Variants in BDKRB2 observed in about 807,000 individuals in gnomAD.
BDKRB2 encodes B2 bradykinin receptor.
A neutral mutation model predicts 4.0 loss-of-function variants in BDKRB2; 6 were observed. That is an observed-to-expected ratio of 1.49 (90% CI 0.81 to 2.93). The LOEUF (loss-of-function observed/expected upper bound fraction) is 2.93. BDKRB2 is among the 30% of genes most tolerant of loss of function. BDKRB2 has a pLI of 0.00. For synonymous variants in BDKRB2, 225 were observed against 215.3 expected (o/e 1.05, Z -0.40); for missense variants, 478 against 520.1 (o/e 0.92, Z 0.79).
At chr14:96,207,551 T>G (rs1258396822) in intron 1 of BDKRB2, among the ~76,000 whole-genome samples, 1 of 152,170 alleles carries the variant, frequency 6.6e-6, no homozygotes, top group Admixed American at 6.5e-5. Context: ...TGTGCGTTTG[T>G]GCAAACCCAC....
chr14:96,237,106 A>C lies in BDKRB2; in HGVS notation c.-2A>C. The C allele has an allele frequency of 6.2e-6, 10 of 1,613,524 alleles. No homozygotes were observed. Among genetic ancestry groups the C allele is most frequent in the Non-Finnish European group, 8.5e-6 (10 of 1,179,416 alleles). Reference sequence around the variant, plus strand: ...CTCACTCACATCCCACTCTGAGTCCAAATGTTCTCTCCCTGGAAGATATCA... The same window carrying C: ...CTCACTCACATCCCACTCTGAGTCCCAATGTTCTCTCCCTGGAAGATATCA... On this transcript the variant is annotated 5_prime_UTR_variant, in exon 2 of 3. Transcript: ENST00000554311.
At chr14:96,220,407 T>C (rs1890531151) in intron 1 of BDKRB2, among the ~76,000 whole-genome samples, 1 of 152,120 alleles carries the variant, frequency 6.6e-6, no homozygotes, top group Non-Finnish European at 1.5e-5. Flanking sequence ...CCATGACACA[T>C]AGACCCTGAA....
At chr14:96,219,426 G>C (rs572014457) in intron 1 of BDKRB2, among the ~76,000 whole-genome samples, 4 of 151,938 alleles carry the variant, frequency 2.6e-5, no homozygotes, top group Non-Finnish European at 5.9e-5. Flanking sequence ...GGTGGGGACC[G>C]GGACCTGGCA....
intron 1 of BDKRB2, among the ~76,000 whole-genome samples, chr14:96,213,746 C>T (rs1012196082): frequency 5.9e-5 from 9 of 152,122 alleles, no homozygotes; most frequent in African/African-American, 1.9e-4. Context: ...GCCTGAGCCC[C>T]AGGGCACCCT....
intron 1 of BDKRB2, among the ~76,000 whole-genome samples, chr14:96,212,301 A>G (rs181327635): frequency 6.6e-4 from 100 of 152,364 alleles, no homozygotes; most frequent in African/African-American, 2.3e-3. Context: ...ACAACTAACT[A>G]TAAGAACACT....
chr14:96,229,270 C>A (rs945103236), intron 1 of BDKRB2, among the ~76,000 whole-genome samples: 10 of 152,046 alleles, frequency 6.6e-5, no homozygotes, highest in Non-Finnish European at 4.4e-5. Flanking sequence ...CTTCTGCTTG[C>A]AGGGGGATAT....
chr14:96,231,270 GAAGGACTT>G (rs1013012647), intron 1 of BDKRB2, among the ~76,000 whole-genome samples: 8 of 152,196 alleles, frequency 5.3e-5, no homozygotes. Flanking sequence ...CCAAATGCTG[GAAGGACTT>G]ACATGTATAT....
chr14:96,223,946 G>A (rs1302626459), intron 1 of BDKRB2, among the ~76,000 whole-genome samples: 11 of 152,230 alleles, frequency 7.2e-5, no homozygotes, highest in Middle Eastern at 3.4e-3. Context: ...AAAGTAGCGT[G>A]AAATTCATAT....
chr14:96,223,272 C>A (rs1403788679), intron 1 of BDKRB2: 2 of 1,038,602 alleles, frequency 1.9e-6, no homozygotes, highest in Non-Finnish European at 3.0e-6. Flanking sequence ...AGGGATGGGT[C>A]CATAATATGA....
intron 1 of BDKRB2, among the ~76,000 whole-genome samples, chr14:96,221,879 TC>T (rs1192306406): frequency 3.9e-5 from 6 of 151,918 alleles, no homozygotes; most frequent in African/African-American, 1.5e-4. Flanking sequence ...TCCCACTCAA[TC>T]CTTTCGATGC....
intron 1 of BDKRB2, among the ~76,000 whole-genome samples, chr14:96,228,348 C>T (rs12891205): frequency 0.17 from 26,213 of 152,204 alleles, 2,489 homozygotes; most frequent in Non-Finnish European, 0.22. Flanking sequence ...CTTTTACACC[C>T]TGCCCTCTTG....
At chr14:96,226,493 A>G (rs917966348) in intron 1 of BDKRB2, among the ~76,000 whole-genome samples, 29 of 152,270 alleles carry the variant, frequency 1.9e-4, no homozygotes, top group African/African-American at 6.7e-4. Context: ...CGTCTCTACT[A>G]AAAATACAAA....
intron 1 of BDKRB2, among the ~76,000 whole-genome samples, chr14:96,216,938 G>A (rs538006093): frequency 2.0e-5 from 3 of 152,344 alleles, no homozygotes; most frequent in South Asian, 4.1e-4. Context: ...GAAAGCCCAA[G>A]GAGTGAGGGG....
At chr14:96,207,515 A>G (rs1435969203) in intron 1 of BDKRB2, among the ~76,000 whole-genome samples, 1 of 152,188 alleles carries the variant, frequency 6.6e-6, no homozygotes, top group Non-Finnish European at 1.5e-5. Flanking sequence ...CTTCTGTATG[A>G]CACTGTAATG....
At chr14:96,226,925 G>A (rs1444679878) in intron 1 of BDKRB2, among the ~76,000 whole-genome samples, 1 of 152,234 alleles carries the variant, frequency 6.6e-6, no homozygotes, top group Non-Finnish European at 1.5e-5. Context: ...CTATGCTCAA[G>A]TCAGAAAGCC....
rs550897876 is a variant in BDKRB2, at chr14:96,230,773, T to C, written c.-39-6296T>C. 5.5e-3 allele frequency among the ~76,000 whole-genome samples: 836 copies of C among 152,270 alleles called. 3 individuals carry two copies. The highest frequency in any genetic ancestry group is 7.7e-3 in the Non-Finnish European group (527 of 68,008). On this transcript the variant is annotated intron_variant, in intron 1 of 2. Coordinates refer to ENST00000554311, the MANE Select transcript of BDKRB2 (RefSeq NM_001379692.1). ...CTGGGATTATAGGCACCCACCATCA[T>C]GCCCAGCTAATTTTTGTATTTTTGT...
chr14:96,223,354 C>A, intron 1 of BDKRB2: 1 of 969,912 alleles, frequency 1.0e-6, no homozygotes, highest in Non-Finnish European at 1.7e-6. Context: ...ATGAAGCTGG[C>A]GAGCTACTTT....
chr14:96,210,857 T>C (rs1200156560), intron 1 of BDKRB2: 6 of 152,230 alleles, frequency 3.9e-5, no homozygotes, highest in Admixed American at 2.6e-4. Context: ...CAAGCTACCT[T>C]AGCAAATGGT....
intron 2 of BDKRB2, 182 bp from the exon 3 acceptor site, chr14:96,240,221 G>T (rs1269764195): frequency 7.7e-7 from 1 of 1,303,986 alleles, no homozygotes; most frequent in African/African-American, 1.5e-5. Context: ...ATCAGAGGGG[G>T]CTCTGTAAGA....
Sources: gnomAD v4.1 joint callset for allele counts (sites outside exome capture counted in the v4.1 genomes callset) on GRCh38, gnomAD v4.1.1 for gene constraint, MANE v1.5 for transcripts, NCBI Gene and HGNC (gene_info 2026-07-23, HGNC 2026-07-21) for gene names.